The following BIVM variants were observed in gnomAD, a reference collection of about 807,000 sequenced individuals.
The protein encoded by BIVM is basic, immunoglobulin-like variable motif containing, also known as basic immunoglobulin-like variable motif-containing protein.
BIVM carries 31 observed loss-of-function variants against 61.4 expected under a neutral mutation model. That is an observed-to-expected ratio of 0.51 (90% CI 0.38 to 0.68). BIVM has a LOEUF of 0.68. Ranked by LOEUF, BIVM falls within the 30% of genes least tolerant of loss-of-function variation. BIVM has a pLI of 0.00. For synonymous variants in BIVM, 189 were observed against 210.7 expected (o/e 0.90, Z 0.89); for missense variants, 526 against 596.0 (o/e 0.88, Z 1.22).
chr13:102,817,608 A>G (rs1175597522), intron 4 of BIVM, among the ~76,000 whole-genome samples: 1 of 152,164 alleles, frequency 6.6e-6, no homozygotes, highest in Non-Finnish European at 1.5e-5. Flanking sequence ...GTTTTAGCCA[A>G]ATGTATTGAC....
At chr13:102,829,971 C>G (rs1880952792) in intron 7 of BIVM, among the ~76,000 whole-genome samples, 1 of 152,194 alleles carries the variant, frequency 6.6e-6, no homozygotes, top group Non-Finnish European at 1.5e-5. Context: ...TCTATACCAT[C>G]CTACCCTGTA....
rs188368987 is a variant in BIVM, at chr13:102,806,469, C to T, written c.-122-677C>T. Reference sequence around the variant, plus strand: ...TTCACCATGTTGGCCAGGCTGGTCTCGAACTCCTGACCCCAAGTGATCCAC... The same window carrying T: ...TTCACCATGTTGGCCAGGCTGGTCTTGAACTCCTGACCCCAAGTGATCCAC... On this transcript the variant is annotated intron_variant, in intron 2 of 10. Coordinates refer to ENST00000257336, the MANE Select transcript of BIVM (RefSeq NM_017693.4). Among the ~76,000 whole-genome samples, 40 of 152,124 alleles carry T rather than the reference C, an allele frequency of 2.6e-4. No individual in the cohort carries two copies. The East Asian group carries it at 4.3e-3, about 16-fold the overall frequency.
intron 4 of BIVM, chr13:102,816,757 C>T (rs886314246): frequency 2.1e-5 from 8 of 378,558 alleles, no homozygotes; most frequent in Admixed American, 5.3e-5. Context: ...TTCCCAAACT[C>T]GGCTTATTAT....
intron 9 of BIVM, among the ~76,000 whole-genome samples, chr13:102,835,713 C>T (rs1341572845): frequency 6.6e-6 from 1 of 152,056 alleles, no homozygotes; most frequent in African/African-American, 2.4e-5. Context: ...TTGTGTTTTT[C>T]GTAGAGACGG....
intron 7 of BIVM, among the ~76,000 whole-genome samples, chr13:102,822,456 GTGTGTATGTA>G (rs1467025457): frequency 6.6e-6 from 1 of 152,230 alleles, no homozygotes; most frequent in Non-Finnish European, 1.5e-5. Context: ...GTGTGTTTGT[GTGTGTATGTA>G]TGTGCGTGTG....
intron 7 of BIVM, among the ~76,000 whole-genome samples, chr13:102,824,219 G>A (rs546634830): frequency 6.6e-6 from 1 of 152,288 alleles, no homozygotes; most frequent in East Asian, 1.9e-4. Flanking sequence ...GGTAAGGGGT[G>A]TCAAGGCACA....
At chr13:102,809,837 G>T (rs950628949) in intron 3 of BIVM, among the ~76,000 whole-genome samples, 4 of 150,260 alleles carry the variant, frequency 2.7e-5, no homozygotes, top group Non-Finnish European at 5.9e-5. Context: ...CCAGGCTGGA[G>T]TGCAGTGGCG....
At chr13:102,802,339 T>C (rs1291170042) in intron 1 of BIVM, among the ~76,000 whole-genome samples, 1 of 152,202 alleles carries the variant, frequency 6.6e-6, no homozygotes, top group African/African-American at 2.4e-5. Context: ...CATGCAATAA[T>C]AGAAGCCCCC....
intron 10 of BIVM, 152 bp downstream of exon 10, chr13:102,838,891 A>C: frequency 1.5e-6 from 1 of 657,050 alleles, no homozygotes; most frequent in Non-Finnish European, 2.4e-6. Context: ...TTTAAAACCC[A>C]AGGGCAAGGG....
intron 1 of BIVM, among the ~76,000 whole-genome samples, chr13:102,799,803 G>T (rs372784385): frequency 4.6e-5 from 7 of 152,238 alleles, no homozygotes; most frequent in African/African-American, 9.6e-5. Flanking sequence ...GAAGAGAAGC[G>T]CCAGGGAAAG....
At chr13:102,813,288 T>C (rs116137484) in intron 3 of BIVM, among the ~76,000 whole-genome samples, 1 of 152,220 alleles carries the variant, frequency 6.6e-6, no homozygotes, top group East Asian at 1.9e-4. Context: ...CCTTTTATCA[T>C]TATGAAATAT....
At chr13:102,823,944 G>T (rs1816235531) in intron 7 of BIVM, among the ~76,000 whole-genome samples, 1 of 151,974 alleles carries the variant, frequency 6.6e-6, no homozygotes, top group African/African-American at 2.4e-5. Flanking sequence ...GTTTCTTCTG[G>T]ATCTTATTTG....
chr13:102,830,734 C>A (rs1881007600), intron 7 of BIVM, among the ~76,000 whole-genome samples: 1 of 152,118 alleles, frequency 6.6e-6, no homozygotes, highest in South Asian at 2.1e-4. Flanking sequence ...CTCACAGATA[C>A]TTTGAAGGGT....
intron 7 of BIVM, among the ~76,000 whole-genome samples, chr13:102,825,485 C>T (rs1269455787): frequency 6.6e-6 from 1 of 152,172 alleles, no homozygotes; most frequent in Non-Finnish European, 1.5e-5. Context: ...ACTGGATTTA[C>T]CTGTTGGTGG....
chr13:102,839,677 C>T lies in BIVM; in HGVS notation c.1324C>T (p.Pro442Ser). The T allele has an allele frequency of 6.2e-7, 1 of 1,614,190 alleles. No homozygotes were observed. Among genetic ancestry groups the T allele is most frequent in the Non-Finnish European group, 8.5e-7 (1 of 1,180,026 alleles). The change falls in exon 11 of 11, where the codon CCA (proline) becomes TCA (serine). Residue 442 changes from proline to serine, a missense_variant. Around this residue, in one of 3 missense-constraint regions of BIVM, gnomAD observed 210 missense variants for 233.1 expected, o/e 0.90. Coordinates refer to ENST00000257336, the MANE Select transcript of BIVM (RefSeq NM_017693.4). Reference protein sequence around the residue: ...FGTIRQESQPPTHAQGIAKSE... With the variant: ...FGTIRQESQPSTHAQGIAKSE... ...AACCATTAGACAAGAATCACAACCT[C>T]CAACACATGCCCAGGGAATTGCCAA...
At chr13:102,822,029 A>G (rs781275677) in intron 6 of BIVM, 36 bp from the exon 7 acceptor site, 3 of 1,602,758 alleles carry the variant, frequency 1.9e-6, no homozygotes, top group Non-Finnish European at 2.6e-6. Flanking sequence ...TTGTTGTAGA[A>G]TTGTTGCCAT....
At chr13:102,818,201 T>C (rs1392952687) in intron 4 of BIVM, among the ~76,000 whole-genome samples, 1 of 152,146 alleles carries the variant, frequency 6.6e-6, no homozygotes, top group Non-Finnish European at 1.5e-5. Context: ...GTAGAGTAGC[T>C]TGTCTAAAGT....
chr13:102,808,415 G>A (rs1023518123), intron 3 of BIVM, among the ~76,000 whole-genome samples: 9 of 152,146 alleles, frequency 5.9e-5, no homozygotes, highest in African/African-American at 1.9e-4. Context: ...TCTCTAGACC[G>A]AAGTTGCAGA....
At chr13:102,830,195 C>T (rs1391458282) in intron 7 of BIVM, among the ~76,000 whole-genome samples, 4 of 152,136 alleles carry the variant, frequency 2.6e-5, no homozygotes, top group African/African-American at 7.2e-5. Flanking sequence ...TCTTATTCCA[C>T]CTTATATAAA....
Sources: gnomAD v4.1 joint callset for allele counts (sites outside exome capture counted in the v4.1 genomes callset) on GRCh38, gnomAD v4.1.1 for gene constraint, gnomAD v4.1.1 regional missense constraint, MANE v1.5 for transcripts, NCBI Gene and HGNC (gene_info 2026-07-23, HGNC 2026-07-21) for gene names.